The following PDZD2 variants were observed in gnomAD, a reference collection of about 807,000 sequenced individuals.
PDZD2 encodes PDZ domain-containing protein 2.
In PDZD2, 90 loss-of-function variants were observed where a neutral mutation model predicts 220.7. The ratio of observed to expected loss-of-function variants is 0.41; its 90% confidence interval spans 0.34 to 0.49. PDZD2 has a LOEUF of 0.49. PDZD2 is among the 20% of genes least tolerant of loss of function. The pLI, the probability that PDZD2 is intolerant of heterozygous loss-of-function variation, is 0.28. For missense variants in PDZD2, 3,174 were observed against 3,608.5 expected (o/e 0.88, Z 3.08); for synonymous variants, 1,375 against 1,450.5 (o/e 0.95, Z 1.18).
intron 2 of PDZD2, among the ~76,000 whole-genome samples, chr5:31,976,420 C>T (rs1749768670): frequency 6.6e-6 from 1 of 152,184 alleles, no homozygotes; most frequent in Non-Finnish European, 1.5e-5. Context: ...CAATTAATTG[C>T]TCTCCGTCCA....
rs1324127969 is a variant in PDZD2, at chr5:31,974,081, A to C, written c.477-9074A>C. 2.0e-5 allele frequency among the ~76,000 whole-genome samples: 3 copies of C among 152,208 alleles called. No homozygotes were observed. In the East Asian group the frequency reaches 5.8e-4, roughly 29 times the overall value. On this transcript the variant is annotated intron_variant, in intron 2 of 24. Coordinates refer to ENST00000438447, the MANE Select transcript of PDZD2 (RefSeq NM_178140.4). ...CTGCAGTGTCCACTTCCAGGGCTCAAGCAATTCTCCTGTTTCAGCCTCCCA... is the reference window on the plus strand; with the variant it reads ...CTGCAGTGTCCACTTCCAGGGCTCACGCAATTCTCCTGTTTCAGCCTCCCA...
intron 1 of PDZD2, among the ~76,000 whole-genome samples, chr5:31,751,446 C>T (rs1043877348): frequency 1.3e-5 from 2 of 151,906 alleles, no homozygotes; most frequent in African/African-American, 4.8e-5. Flanking sequence ...TTTGGACCCA[C>T]GATGCATTTT....
chr5:31,864,856 T>G (rs1320812703), intron 2 of PDZD2, among the ~76,000 whole-genome samples: 1 of 142,534 alleles, frequency 7.0e-6, no homozygotes, highest in Non-Finnish European at 1.5e-5. Flanking sequence ...TTTTTTTTTT[T>G]TTTTTTTTTT....
chr5:31,764,311 GTTTTCGTCC>G (rs2150190380), intron 1 of PDZD2, among the ~76,000 whole-genome samples: 1 of 152,278 alleles, frequency 6.6e-6, no homozygotes, highest in African/African-American at 2.4e-5. Context: ...CTAATTTCCT[GTTTTCGTCC>G]TTCACGCCCC....
chr5:31,895,038 C>T (rs1435656932), intron 2 of PDZD2, among the ~76,000 whole-genome samples: 2 of 152,072 alleles, frequency 1.3e-5, no homozygotes, highest in South Asian at 2.1e-4. Context: ...TACAGGCACC[C>T]GCCACCACGC....
chr5:31,744,588 GAAGA>G (rs899916596), intron 1 of PDZD2: 21 of 151,592 alleles, frequency 1.4e-4, no homozygotes, highest in South Asian at 2.1e-4. Flanking sequence ...AAAAAAAAAA[GAAGA>G]AAGATTTTTC....
rs527752035 is a variant in PDZD2 at position 31,749,935 on chromosome 5, C to T, written c.-360-48954C>T. On this transcript the variant is annotated intron_variant, in intron 1 of 24. Transcript: ENST00000438447. ...GTTCCTTAGAAAACTGGCATCCCGC[C>T]ATGATGTTGTTTATCTTTGGGCTTG... 2.0e-5 allele frequency among the ~76,000 whole-genome samples: 3 copies of T among 152,332 alleles called. No individual in the cohort carries two copies. The South Asian group carries it at 6.2e-4, about 32-fold the overall frequency.
chr5:31,676,896 C>T (rs1225627665), intron 1 of PDZD2, among the ~76,000 whole-genome samples: 3 of 151,760 alleles, frequency 2.0e-5, no homozygotes, highest in Non-Finnish European at 2.9e-5. Flanking sequence ...CATACGGCTT[C>T]CCCAGAGGAG....
intron 2 of PDZD2, among the ~76,000 whole-genome samples, chr5:31,856,822 C>T (rs1173742068): frequency 6.6e-6 from 1 of 151,926 alleles, no homozygotes; most frequent in Non-Finnish European, 1.5e-5. Context: ...TGTTGCTCTG[C>T]CCTCCAGAGG....
At chr5:31,764,046 A>G (rs1457520280) in intron 1 of PDZD2, among the ~76,000 whole-genome samples, 1 of 152,190 alleles carries the variant, frequency 6.6e-6, no homozygotes, top group African/African-American at 2.4e-5. Flanking sequence ...GAACTGCAGG[A>G]GAGGGCACCT....
At chr5:31,681,332 C>T (rs141939344) in intron 1 of PDZD2, among the ~76,000 whole-genome samples, 2,114 of 152,190 alleles carry the variant, frequency 0.014, 51 homozygotes, top group African/African-American at 0.048. Flanking sequence ...CTGCAACCCC[C>T]GCCTCCCAGG....
chr5:31,971,192 C>T (rs1232877748), intron 2 of PDZD2, among the ~76,000 whole-genome samples: 1 of 152,232 alleles, frequency 6.6e-6, no homozygotes, highest in South Asian at 2.1e-4. Context: ...TCTCACAGTT[C>T]TGGAGGCTGG....
intron 2 of PDZD2, among the ~76,000 whole-genome samples, chr5:31,808,815 A>G (rs1453390127): frequency 1.3e-5 from 2 of 152,030 alleles, no homozygotes; most frequent in East Asian, 1.9e-4. Flanking sequence ...CATCTCTACT[A>G]GAAATACAAA....
At chr5:31,992,165 AT>A (rs1363274100) in intron 3 of PDZD2, among the ~76,000 whole-genome samples, 3 of 152,178 alleles carry the variant, frequency 2.0e-5, no homozygotes, top group Non-Finnish European at 2.9e-5. Flanking sequence ...ACTTGCATTA[AT>A]TTCTTTGGAC....
At position 31,963,318 on chromosome 5, in the gene PDZD2, T is replaced by G. The variant is rs1452357503; in HGVS notation, c.477-19837T>G. 2.0e-5 allele frequency among the ~76,000 whole-genome samples: 3 copies of G among 152,218 alleles called. No homozygotes were observed. The East Asian group carries it at 5.8e-4, about 29-fold the overall frequency. On this transcript the variant is annotated intron_variant, in intron 2 of 24. Coordinates refer to ENST00000438447, the MANE Select transcript of PDZD2 (RefSeq NM_178140.4). Reference sequence around the variant, plus strand: ...CTCCTGCCTCAGGAAAGGGAAAAACTTGATTTTTTCCTTTTAAAGGAGGCA... The same window carrying G: ...CTCCTGCCTCAGGAAAGGGAAAAACGTGATTTTTTCCTTTTAAAGGAGGCA...
intron 5 of PDZD2, among the ~76,000 whole-genome samples, chr5:32,005,890 G>T (rs1160583732): frequency 6.6e-6 from 1 of 152,146 alleles, no homozygotes; most frequent in African/African-American, 2.4e-5. Flanking sequence ...GCTCACACCT[G>T]TAATCCCAGC....
At position 32,083,178 on chromosome 5, in the gene PDZD2, C is replaced by T. The variant is rs1742125629; in HGVS notation, c.3683-3953C>T. ...GTGTGAATAAATATATAGTCCTGTG[C>T]TTTTTTTGTCTTTTTGCCAAAAAAA... On this transcript the variant is annotated intron_variant, in intron 19 of 24. Transcript: ENST00000438447. The surrounding 1 kb of genome is among the most constrained non-coding windows in gnomAD (Gnocchi z 4.1). Among the ~76,000 whole-genome samples the T allele has an allele frequency of 2.9e-5, 4 of 138,716 alleles. No homozygotes were observed. In the South Asian group the frequency reaches 1.1e-3, roughly 39 times the overall value. 91.0% of individuals were successfully genotyped at this position (138,716 alleles called of 152,430 possible).
At chr5:31,689,353 A>ATATATATATATATATTT in intron 1 of PDZD2, among the ~76,000 whole-genome samples, 5 of 35,122 alleles carry the variant, frequency 1.4e-4, no homozygotes, top group African/African-American at 2.1e-4. Context: ...ATATATATAT[A>ATATATATATATATATTT]TTTTTTTTTT....
chr5:32,002,003 C>G (rs1752167082), intron 5 of PDZD2, among the ~76,000 whole-genome samples: 1 of 152,182 alleles, frequency 6.6e-6, no homozygotes, highest in Admixed American at 6.5e-5. Flanking sequence ...TATGGGGAAT[C>G]CTTTTTCCAT....
Sources: gnomAD v4.1 joint callset for allele counts (sites outside exome capture counted in the v4.1 genomes callset) on GRCh38, gnomAD v4.1.1 for gene constraint, Gnocchi (gnomAD v3.1) non-coding constraint, MANE v1.5 for transcripts, NCBI Gene and HGNC (gene_info 2026-07-23, HGNC 2026-07-21) for gene names.